The following CORO7 variants were observed in gnomAD, a reference collection of about 807,000 sequenced individuals.
The protein encoded by CORO7 is coronin-7.
A neutral mutation model predicts 126.6 loss-of-function variants in CORO7; 107 were observed. The ratio of observed to expected loss-of-function variants is 0.85; its 90% CI spans 0.72 to 0.99. The LOEUF (loss-of-function observed/expected upper bound fraction) is 0.99, where lower values mean the gene tolerates loss of function less well. Among genes scored for constraint, CORO7 ranks in the 50% least tolerant of loss-of-function variants. The probability of loss-of-function intolerance (pLI) is 0.00; values close to 1 mark genes in which losing one functional copy is unlikely to be tolerated. For synonymous variants in CORO7, 603 were observed against 536.8 expected (o/e 1.12, Z -1.70); for missense variants, 1,314 against 1,255.8 (o/e 1.05, Z -0.70).
chr16:4,399,760 A>T (rs1303250593), intron 6 of CORO7, among the ~76,000 whole-genome samples: 1 of 152,106 alleles, frequency 6.6e-6, no homozygotes, highest in Non-Finnish European at 1.5e-5. Flanking sequence ...GCGTGGTGGC[A>T]CGTGCTAGTA....
chr16:4,379,122 C>T (rs933814183), intron 9 of CORO7, among the ~76,000 whole-genome samples: 2 of 151,960 alleles, frequency 1.3e-5, no homozygotes, highest in African/African-American at 4.8e-5. Context: ...GGACGGGTCC[C>T]CCCAGCCTGG....
At chr16:4,365,429 G>T in intron 10 of CORO7, 62 bp downstream of exon 10, 1 of 1,548,066 alleles carries the variant, frequency 6.5e-7, no homozygotes, top group South Asian at 1.2e-5. Flanking sequence ...TCTCTCTTGG[G>T]GAAGGCCAGG....
At chr16:4,356,076 C>T (rs2053968346) in intron 26 of CORO7, among the ~76,000 whole-genome samples, 1 of 152,208 alleles carries the variant, frequency 6.6e-6, no homozygotes, top group East Asian at 1.9e-4. Flanking sequence ...GCCTCAGCCT[C>T]CCAAGTAGCT....
At chr16:4,415,442 A>C (rs568790318) in intron 1 of CORO7, among the ~76,000 whole-genome samples, 1 of 152,130 alleles carries the variant, frequency 6.6e-6, no homozygotes, top group South Asian at 2.1e-4. Flanking sequence ...TGTGTTCTTC[A>C]ATGTCGTTAT....
chr16:4,402,657 C>G (rs1296762986), intron 6 of CORO7, among the ~76,000 whole-genome samples: 1 of 152,154 alleles, frequency 6.6e-6, no homozygotes, highest in East Asian at 1.9e-4. Context: ...GGCAGCTGGG[C>G]CACCCTCATG....
intron 26 of CORO7, among the ~76,000 whole-genome samples, chr16:4,355,964 T>A (rs544022058): frequency 3.3e-5 from 5 of 152,188 alleles, no homozygotes; most frequent in Admixed American, 3.3e-4. Context: ...TATTTATTTA[T>A]TTTTTTGAGA....
At chr16:4,376,384 G>A (rs552853665) in intron 9 of CORO7, among the ~76,000 whole-genome samples, 1 of 152,188 alleles carries the variant, frequency 6.6e-6, no homozygotes, top group Non-Finnish European at 1.5e-5. Flanking sequence ...GAGCCTTGGC[G>A]GGCCAGCATG....
At chr16:4,377,838 T>C (rs932845521) in intron 9 of CORO7, among the ~76,000 whole-genome samples, 20 of 152,176 alleles carry the variant, frequency 1.3e-4, no homozygotes, top group African/African-American at 4.8e-4. Flanking sequence ...TTTACGGGGC[T>C]GGGAAGCAGG....
intron 7 of CORO7, among the ~76,000 whole-genome samples, chr16:4,394,271 C>T (rs985308296): frequency 6.6e-6 from 1 of 151,804 alleles, no homozygotes; most frequent in African/African-American, 2.4e-5. Flanking sequence ...TGGTGAAACC[C>T]AGTCTCTACT....
chr16:4,359,014 C>G (rs2054071565), intron 23 of CORO7: 2 of 496,380 alleles, frequency 4.0e-6, no homozygotes, highest in Non-Finnish European at 7.1e-6. Context: ...TGGGCTCAAG[C>G]AATTCTCCTG....
Position 4,361,210 on chromosome 16 carries a change from C to A in CORO7, c.1726G>T (p.Ala576Ser). 6.2e-7 allele frequency: 1 copy of A among 1,610,776 alleles called. No homozygotes were observed. Among genetic ancestry groups the A allele is most frequent in the Non-Finnish European group, 8.5e-7 (1 of 1,179,668 alleles). The change falls in exon 18 of 28, where the codon GCA becomes TCA. Residue 576 changes from alanine (A) to serine (S), a missense_variant. Physicochemically the swap from Ala to Ser is moderately conservative, Grantham distance 99. Coordinates refer to ENST00000251166, the MANE Select transcript of CORO7 (RefSeq NM_024535.5). Reference sequence around the variant, plus strand: ...GTGAGCACCTCTTCCAGGCCCTCTGCGGGTACCCGCCACAGTCGGATCCTG... The same window carrying A: ...GTGAGCACCTCTTCCAGGCCCTCTGAGGGTACCCGCCACAGTCGGATCCTG... ...DARIRLWRVP[A>S]EGLEEVLTTP...
At chr16:4,378,500 C>A (rs535474776) in intron 9 of CORO7, among the ~76,000 whole-genome samples, 1 of 152,160 alleles carries the variant, frequency 6.6e-6, no homozygotes, top group Non-Finnish European at 1.5e-5. Flanking sequence ...TCACTCACAG[C>A]CCACATCTGG....
intron 6 of CORO7, among the ~76,000 whole-genome samples, chr16:4,399,511 C>A (rs557492631): frequency 6.6e-6 from 1 of 152,152 alleles, no homozygotes; most frequent in Non-Finnish European, 1.5e-5. Flanking sequence ...CAAAGGGGAA[C>A]TGCTGTTTAA....
chr16:4,404,094 C>A (rs551140567), intron 6 of CORO7, among the ~76,000 whole-genome samples: 5 of 152,192 alleles, frequency 3.3e-5, no homozygotes, highest in Non-Finnish European at 5.9e-5. Context: ...CTGGGAGATG[C>A]GGCTTCCACA....
intron 21 of CORO7, 138 bp downstream of exon 21, chr16:4,360,140 C>G (rs1596271165): frequency 1.9e-6 from 2 of 1,067,556 alleles, no homozygotes; most frequent in Non-Finnish European, 2.8e-6. Flanking sequence ...CCCACTCATC[C>G]AATCATCTAC....
intron 25 of CORO7, 71 bp from the exon 26 acceptor site, chr16:4,357,330 ATTTC>A (rs1338431668): frequency 3.3e-4 from 243 of 735,680 alleles, no homozygotes; most frequent in African/African-American, 1.4e-3. Flanking sequence ...GCCCTCGGGG[ATTTC>A]TTTCTTTCTT....
intron 6 of CORO7, among the ~76,000 whole-genome samples, chr16:4,402,905 G>T (rs2055864071): frequency 6.6e-6 from 1 of 152,182 alleles, no homozygotes; most frequent in Admixed American, 6.5e-5. Context: ...AGTGGGAGTA[G>T]CTGAGAGGGA....
chr16:4,382,342 G>C, intron 9 of CORO7: 1 of 1,611,618 alleles, frequency 6.2e-7, no homozygotes, highest in Non-Finnish European at 8.5e-7. Context: ...GGGGAGCTCC[G>C]TGCAGCTCAG....
At chr16:4,385,675 G>A (rs1022799765) in intron 9 of CORO7, among the ~76,000 whole-genome samples, 1 of 152,134 alleles carries the variant, frequency 6.6e-6, no homozygotes, top group Non-Finnish European at 1.5e-5. Flanking sequence ...CTTGGTGTTC[G>A]AGGCTGGCCT....
Sources: allele counts gnomAD v4.1 joint callset (sites outside exome capture counted in the v4.1 genomes callset), GRCh38; gene constraint gnomAD v4.1.1; transcripts MANE v1.5; gene names NCBI Gene and HGNC (gene_info 2026-07-23, HGNC 2026-07-21).